The following CLK4 variants were observed in gnomAD, a reference collection of about 807,000 sequenced individuals.
The protein encoded by CLK4 is CDC like kinase 4.
Under a neutral mutation model 64.4 loss-of-function variants are expected in CLK4, and 37 were observed. The observed-to-expected ratio is 0.57, with a 90% CI of 0.44 to 0.76. The LOEUF is 0.76. Ranked by LOEUF, CLK4 falls within the 30% of genes least tolerant of loss-of-function variation. CLK4 has a pLI of 0.00. For missense variants in CLK4, 457 were observed against 605.1 expected, an observed-to-expected ratio of 0.76 and a Z score of 2.57; for synonymous variants, 175 against 191.6, an observed-to-expected ratio of 0.91 and a Z score of 0.72.
chr5:178,612,271 C>T (rs894118163), intron 9 of CLK4, 145 bp downstream of exon 9: 2 of 643,750 alleles, frequency 3.1e-6, no homozygotes, highest in South Asian at 5.1e-5. Context: ...GTATTTATAG[C>T]AATGTCCACA....
chr5:178,610,723 C>G (rs945638706), intron 9 of CLK4, among the ~76,000 whole-genome samples: 2 of 151,870 alleles, frequency 1.3e-5, no homozygotes, highest in South Asian at 4.2e-4. Context: ...TCGAGACCAG[C>G]CTGTGCAACA....
At chr5:178,605,533 C>T (rs1764455209) in intron 10 of CLK4, 151 bp from the exon 11 acceptor site, 2 of 488,966 alleles carry the variant, frequency 4.1e-6, no homozygotes, top group Non-Finnish European at 7.1e-6. Flanking sequence ...AAACTGTCTC[C>T]TCATTTAATC....
At chr5:178,613,283 T>C (rs991766424) in intron 7 of CLK4, among the ~76,000 whole-genome samples, 190 bp downstream of exon 7, 1 of 152,094 alleles carries the variant, frequency 6.6e-6, no homozygotes, top group Non-Finnish European at 1.5e-5. Context: ...TAGCTGGGCA[T>C]GGTGGTGGGC....
intron 5 of CLK4, among the ~76,000 whole-genome samples, chr5:178,616,588 G>A (rs1204213057): frequency 1.3e-5 from 2 of 152,114 alleles, no homozygotes; most frequent in African/African-American, 4.8e-5. Context: ...TTGAGGTCAG[G>A]AGTTCGAGAC....
Position 178,613,758 on chromosome 5 carries a change from G to A in CLK4, c.628C>T (p.His210Tyr). Residue 210 changes from histidine to tyrosine, a missense_variant, in exon 6 of 13, where the codon CAC (histidine) becomes TAC (tyrosine). His to Tyr is a moderately conservative substitution (Grantham distance 83). Transcript: ENST00000316308. ...AARSEIQVLE[H>Y]LNSTDPNSVF... ...CTATTGGGATCAGTACTATTTAAGT[G>A]CTCTAATACTTGGATTTCTGAACGA... 1 of 1,613,888 alleles carries A rather than the reference G, an allele frequency of 6.2e-7. No individual in the cohort carries two copies.
At chr5:178,614,827 A>G (rs973234458) in intron 5 of CLK4, among the ~76,000 whole-genome samples, 6 of 152,256 alleles carry the variant, frequency 3.9e-5, no homozygotes, top group Non-Finnish European at 8.8e-5. Context: ...AATGCTTGGC[A>G]TATACCTCAA....
intron 3 of CLK4, chr5:178,618,330 T>G: frequency 5.0e-6 from 1 of 199,748 alleles, no homozygotes; most frequent in Non-Finnish European, 9.8e-6. Flanking sequence ...TTATCTGGTC[T>G]GCAGAATATG....
intron 9 of CLK4, among the ~76,000 whole-genome samples, chr5:178,609,006 A>C (rs948980346): frequency 6.6e-6 from 1 of 152,206 alleles, no homozygotes; most frequent in Admixed American, 6.5e-5. Context: ...TTCACCTATA[A>C]GCAGAAATTA....
chr5:178,615,737 A>G (rs956704149), intron 5 of CLK4, among the ~76,000 whole-genome samples: 1 of 152,198 alleles, frequency 6.6e-6, no homozygotes, highest in African/African-American at 2.4e-5. Context: ...ATGATAAAAA[A>G]TTTTGTCATT....
At chr5:178,619,884 T>C (rs903260876) in intron 2 of CLK4, 1 of 913,618 alleles carries the variant, frequency 1.1e-6, no homozygotes, top group Non-Finnish European at 1.5e-6. Context: ...TCAAGAGGGA[T>C]GCACATGGAG....
chr5:178,618,033 G>A (rs907705518), intron 3 of CLK4: 32 of 151,984 alleles, frequency 2.1e-4, no homozygotes, highest in African/African-American at 7.7e-4. Flanking sequence ...AAAAAAAGGG[G>A]GGGGCAGACT....
chr5:178,620,206 T>G, intron 2 of CLK4: 2 of 274,126 alleles, frequency 7.3e-6, no homozygotes, highest in Non-Finnish European at 1.5e-5. Flanking sequence ...AGACTGTGGG[T>G]AGTCTAGGTC....
intron 1 of CLK4, among the ~76,000 whole-genome samples, chr5:178,626,549 G>T (rs914505288): frequency 2.6e-5 from 4 of 152,254 alleles, no homozygotes; most frequent in African/African-American, 9.6e-5. Flanking sequence ...AACGGCCCAG[G>T]CCAGGAATCC....
intron 7 of CLK4, among the ~76,000 whole-genome samples, chr5:178,613,193 G>C (rs574703804): frequency 1.3e-5 from 2 of 152,072 alleles, no homozygotes; most frequent in African/African-American, 4.8e-5. Context: ...GAGGCCGAGG[G>C]GGGCAATCAC....
rs114427948 is a variant in CLK4, at chr5:178,610,618, T to C, written c.1051+1798A>G. The stretch of plus-strand genomic sequence containing the variant: ...TTGGCCACATTTGGAACTTTATTAA[T>C]AAGATTGACCATATTCTGGTGGGTG... On this transcript the variant is annotated intron_variant, in intron 9 of 12. Coordinates refer to ENST00000316308, the MANE Select transcript of CLK4 (RefSeq NM_020666.3). Among the ~76,000 whole-genome samples, 293 of 152,222 alleles carry C rather than the reference T, an allele frequency of 1.9e-3. 4 individuals are homozygous for C. The highest frequency in any genetic ancestry group is 6.5e-3 in the African/African-American group (270 of 41,540).
Position 178,613,169 on chromosome 5 carries a change from C to T in CLK4, c.827-279G>A, listed in dbSNP as rs562177439. ...TGTGCACAGTGGCTCACGCCTATAA[C>T]CCCAGCACTTTGGGAGGCCGAGGGG... On this transcript the variant is annotated intron_variant, in intron 7 of 12. Transcript: ENST00000316308. 6.6e-5 allele frequency among the ~76,000 whole-genome samples: 10 copies of T among 152,138 alleles called. No homozygotes were observed. The South Asian group carries it at 2.1e-3, about 32-fold the overall frequency.
Position 178,617,487 on chromosome 5 carries a change from A to G in CLK4, c.385-53T>C. On this transcript the variant is annotated intron_variant, in intron 3 of 12. Transcript: ENST00000316308. The surrounding 1 kb of genome is among the most constrained non-coding windows in gnomAD (Gnocchi z 5.2). Reference sequence around the variant, plus strand: ...ATCGTCCAGCCAATCAATATATCAGAGTGAATTCAGGGCAGAATACGCAAT... The same window carrying G: ...ATCGTCCAGCCAATCAATATATCAGGGTGAATTCAGGGCAGAATACGCAAT... The G allele has an allele frequency of 1.4e-6, 2 of 1,481,170 alleles. No individual in the cohort carries two copies. Among genetic ancestry groups the G allele is most frequent in the Non-Finnish European group, 1.9e-6 (2 of 1,063,244 alleles). 91.8% of individuals were successfully genotyped at this position (1,481,170 alleles called of 1,614,324 possible). A position where few individuals can be genotyped will look rare whatever the true frequency, so the allele number is the denominator to read the frequency against.
At chr5:178,605,520 G>GA (rs1764454946) in intron 10 of CLK4, 138 bp from the exon 11 acceptor site, 2 of 489,060 alleles carry the variant, frequency 4.1e-6, no homozygotes, top group Non-Finnish European at 7.0e-6. Flanking sequence ...AAGGTTACCA[G>GA]AAAAACTGTC....
Position 178,617,143 on chromosome 5 carries a change from C to A in CLK4, c.476-195G>T. 1.6e-6 allele frequency: 1 copy of A among 639,734 alleles called. No homozygotes were observed. The allele number at this position is 639,734 out of a possible 1,614,324, so 39.6% of individuals were successfully genotyped here. A position where few individuals can be genotyped will look rare whatever the true frequency, so the allele number is the denominator to read the frequency against. ...AGAGCTATCTTTCTTGCTCTAATCT[C>A]AAATTCCACTGATTATTTTGGAACT... On this transcript the variant is annotated intron_variant, in intron 4 of 12. Transcript: ENST00000316308. The surrounding 1 kb of genome is among the most constrained non-coding windows in gnomAD (Gnocchi z 5.2).
Sources: allele counts gnomAD v4.1 joint callset (sites outside exome capture counted in the v4.1 genomes callset), GRCh38; gene constraint gnomAD v4.1.1; non-coding constraint Gnocchi (gnomAD v3.1); transcripts MANE v1.5; gene names NCBI Gene and HGNC (gene_info 2026-07-23, HGNC 2026-07-21).